Variants in SUSD6 observed in about 807,000 individuals in gnomAD.
SUSD6 encodes sushi domain-containing protein 6.
Under a neutral mutation model 28.4 loss-of-function variants are expected in SUSD6, and 16 were observed. That is an observed-to-expected ratio of 0.56 (90% confidence interval 0.38 to 0.86). The LOEUF (loss-of-function observed/expected upper bound fraction) is 0.86, where lower values mean the gene tolerates loss of function less well. Ranked by LOEUF, SUSD6 falls within the 40% of genes least tolerant of loss-of-function variation. The pLI, the probability that SUSD6 is intolerant of heterozygous loss-of-function variation, is 0.00. For synonymous variants in SUSD6, 147 were observed against 159.6 expected (o/e 0.92, Z 0.59); for missense variants, 341 against 384.2 (o/e 0.89, Z 0.94).
intron 2 of SUSD6, among the ~76,000 whole-genome samples, chr14:69,666,166 A>G (rs1038660257): frequency 1.3e-5 from 2 of 152,184 alleles, no homozygotes; most frequent in Admixed American, 6.6e-5. Context: ...GATCCTTGAT[A>G]TTCGTGAGGT....
chr14:69,630,677 G>GA (rs796810156), intron 1 of SUSD6, among the ~76,000 whole-genome samples: 44 of 140,666 alleles, frequency 3.1e-4, no homozygotes, highest in Middle Eastern at 3.6e-3. Context: ...AACACACATG[G>GA]AAAAAAAAAA....
At chr14:69,689,962 G>A (rs1025852149) in intron 2 of SUSD6, among the ~76,000 whole-genome samples, 8 of 152,224 alleles carry the variant, frequency 5.3e-5, no homozygotes, top group African/African-American at 1.9e-4. Flanking sequence ...CACCATGCCC[G>A]TGTTTTTTTA....
intron 1 of SUSD6, among the ~76,000 whole-genome samples, chr14:69,646,171 C>T (rs111360668): frequency 0.016 from 2,363 of 152,220 alleles, 24 homozygotes; most frequent in Middle Eastern, 0.037. Context: ...TTTCAGTCTT[C>T]GTCTTTCTGG....
chr14:69,647,521 A>G (rs890860847), intron 1 of SUSD6, among the ~76,000 whole-genome samples: 4 of 152,188 alleles, frequency 2.6e-5, no homozygotes, highest in Non-Finnish European at 4.4e-5. Context: ...TGCTGGGGGA[A>G]GTAATATGCC....
At chr14:69,710,904 A>C in intron 5 of SUSD6, 50 bp from the exon 6 acceptor site, 6 of 1,593,722 alleles carry the variant, frequency 3.8e-6, no homozygotes, top group Non-Finnish European at 4.3e-6. Context: ...AGAGTGCTCT[A>C]GAGTTCCACA....
At chr14:69,696,315 G>C (rs1419886431) in intron 2 of SUSD6, among the ~76,000 whole-genome samples, 1 of 152,232 alleles carries the variant, frequency 6.6e-6, no homozygotes, top group Non-Finnish European at 1.5e-5. Context: ...CATGTAGAGA[G>C]AGAACCCAGA....
intron 2 of SUSD6, among the ~76,000 whole-genome samples, chr14:69,691,585 T>C (rs1886153532): frequency 6.6e-6 from 1 of 152,198 alleles, no homozygotes; most frequent in African/African-American, 2.4e-5. Flanking sequence ...ACCCCCTGTT[T>C]GGGAGTATGT....
intron 2 of SUSD6, among the ~76,000 whole-genome samples, chr14:69,664,937 C>G (rs1566598746): frequency 6.6e-6 from 1 of 152,204 alleles, no homozygotes; most frequent in Non-Finnish European, 1.5e-5. Flanking sequence ...TTCTTACCCA[C>G]TGGAAGAGTG....
At chr14:69,635,636 C>T (rs180721245) in intron 1 of SUSD6, among the ~76,000 whole-genome samples, 188 of 140,030 alleles carry the variant, frequency 1.3e-3, no homozygotes, top group African/African-American at 4.5e-3. Flanking sequence ...CACACACACA[C>T]ACACACATTT....
At chr14:69,617,232 A>T (rs994603384) in intron 1 of SUSD6, 2 of 152,184 alleles carry the variant, frequency 1.3e-5, no homozygotes, top group Non-Finnish European at 2.9e-5. Flanking sequence ...TATGAATAAT[A>T]TTGCAGTATT....
At chr14:69,675,104 A>C (rs1440901164) in intron 2 of SUSD6, among the ~76,000 whole-genome samples, 2 of 150,732 alleles carry the variant, frequency 1.3e-5, no homozygotes, top group Non-Finnish European at 2.9e-5. Context: ...CATTTACTGG[A>C]AGAATGGTTT....
At chr14:69,704,845 C>CTG in intron 4 of SUSD6, 103 bp downstream of exon 4, 1 of 1,271,652 alleles carries the variant, frequency 7.9e-7, no homozygotes, top group East Asian at 2.3e-5. Flanking sequence ...CTCTGTGGGT[C>CTG]TGTGTGTGTC....
chr14:69,685,767 G>A (rs1465470113), intron 2 of SUSD6, among the ~76,000 whole-genome samples: 3 of 152,202 alleles, frequency 2.0e-5, no homozygotes, highest in Non-Finnish European at 4.4e-5. Context: ...AGAAGTAGTG[G>A]GGATTCTGAA....
rs748070878 is a variant in SUSD6, at chr14:69,708,648, A to G, written c.459-29A>G. 8 of 1,502,512 alleles carry G rather than the reference A, an allele frequency of 5.3e-6. No individual in the cohort carries two copies. In the Admixed American group the frequency reaches 1.8e-4, roughly 34 times the overall value. 93.1% of individuals were successfully genotyped at this position (1,502,512 alleles called of 1,614,324 possible). On this transcript the variant is annotated intron_variant, in intron 4 of 5. Coordinates refer to ENST00000342745, the MANE Select transcript of SUSD6 (RefSeq NM_014734.4). ...TTTCTCTGTGTGTTTATTCTAATTC[A>G]TCCTTTGTCTTTTCCTCCTCCACTC... is the stretch of plus-strand genomic sequence containing the variant.
intron 1 of SUSD6, among the ~76,000 whole-genome samples, chr14:69,620,512 G>A (rs1885021429): frequency 6.6e-6 from 1 of 152,224 alleles, no homozygotes; most frequent in Non-Finnish European, 1.5e-5. Flanking sequence ...AGCATACTGC[G>A]GGAATACTCA....
chr14:69,652,411 C>A lies in SUSD6; in HGVS notation c.-80-6102C>A, dbSNP rs1305193428. On this transcript the variant is annotated intron_variant, in intron 1 of 5. Transcript: ENST00000342745. ...GCCGTGACCCAAGATTGTGCCACTC[C>A]CACTGCACTCCAGCCTGGGCAACAG... Among the ~76,000 whole-genome samples the A allele has an allele frequency of 2.0e-5, 3 of 152,022 alleles. No individual in the cohort carries two copies. The South Asian group carries it at 6.2e-4, about 32-fold the overall frequency.
chr14:69,647,060 A>G (rs568834384), intron 1 of SUSD6, among the ~76,000 whole-genome samples: 31 of 152,246 alleles, frequency 2.0e-4, no homozygotes, highest in African/African-American at 7.0e-4. Context: ...GATATATTCT[A>G]TAGCATTTGG....
intron 1 of SUSD6, among the ~76,000 whole-genome samples, chr14:69,620,819 C>A (rs947725425): frequency 6.6e-6 from 1 of 152,036 alleles, no homozygotes; most frequent in African/African-American, 2.4e-5. Context: ...CTTGACATAT[C>A]CTATTTTTAA....
intron 2 of SUSD6, among the ~76,000 whole-genome samples, chr14:69,689,663 T>C (rs1886126282): frequency 6.6e-6 from 1 of 152,216 alleles, no homozygotes; most frequent in Non-Finnish European, 1.5e-5. Flanking sequence ...TTGTAAATAC[T>C]TTTAAAAATT....
Sources: gnomAD v4.1 joint callset for allele counts (sites outside exome capture counted in the v4.1 genomes callset) on GRCh38, gnomAD v4.1.1 for gene constraint, MANE v1.5 for transcripts, NCBI Gene and HGNC (gene_info 2026-07-23, HGNC 2026-07-21) for gene names.